The following ACOXL variants were observed in gnomAD, a reference collection of about 807,000 sequenced individuals.
ACOXL encodes the protein acyl-CoA oxidase like.
In ACOXL, 70 loss-of-function variants were observed where a neutral mutation model predicts 71.9. The observed-to-expected ratio is 0.97, with a 90% CI of 0.80 to 1.19. The LOEUF is 1.19. Among genes scored for constraint, ACOXL ranks in the 50% most tolerant of loss-of-function variants. The pLI is 0.00. For synonymous variants in ACOXL, 253 were observed against 281.6 expected (o/e 0.90, Z 1.02); for missense variants, 703 against 736.3 (o/e 0.95, Z 0.52).
At chr2:110,953,949 G>A (rs779489747) in intron 12 of ACOXL, among the ~76,000 whole-genome samples, 12 of 152,192 alleles carry the variant, frequency 7.9e-5, no homozygotes, top group African/African-American at 1.2e-4. Context: ...CCACCAGACC[G>A]CTGCTCCAGT....
At chr2:110,742,074 C>T (rs996280157) in intron 1 of ACOXL, among the ~76,000 whole-genome samples, 4 of 152,212 alleles carry the variant, frequency 2.6e-5, no homozygotes, top group Admixed American at 6.5e-5. Context: ...GGAAACAGCA[C>T]GGTGAGGAGA....
chr2:110,764,911 T>C (rs73956435), intron 1 of ACOXL, among the ~76,000 whole-genome samples: 4,203 of 152,340 alleles, frequency 0.028, 194 homozygotes, highest in African/African-American at 0.094. Context: ...CTTTTTCTCC[T>C]ATCATTTCCT....
At chr2:110,868,263 A>AT in intron 10 of ACOXL, among the ~76,000 whole-genome samples, 1 of 152,266 alleles carries the variant, frequency 6.6e-6, no homozygotes, top group East Asian at 1.9e-4. Flanking sequence ...TACAAGTTTG[A>AT]TTTTTTGGGG....
At chr2:110,869,156 A>ACG (rs1694964414) in intron 10 of ACOXL, among the ~76,000 whole-genome samples, 1 of 152,146 alleles carries the variant, frequency 6.6e-6, no homozygotes, top group African/African-American at 2.4e-5. Flanking sequence ...CACATGGCCG[A>ACG]TGTCACACAG....
intron 10 of ACOXL, among the ~76,000 whole-genome samples, chr2:110,908,204 T>G (rs17545286): frequency 0.3 from 45,684 of 152,156 alleles, 7,408 homozygotes; most frequent in Middle Eastern, 0.37. Flanking sequence ...GGAAAGCCTT[T>G]GTTCACCTGA....
chr2:110,809,639 A>G (rs1186969682), intron 9 of ACOXL, among the ~76,000 whole-genome samples: 1 of 152,192 alleles, frequency 6.6e-6, no homozygotes, highest in Non-Finnish European at 1.5e-5. Context: ...GGGTCTCAGC[A>G]AGGCATGGGA....
At position 110,813,043 on chromosome 2, in the gene ACOXL, G is replaced by A. The variant is rs576570140; in HGVS notation, c.753+7648G>A. Reference sequence around the variant, plus strand: ...CCTTTATAGAAGCTTTTCCAAATGAGGCCTCTAGGTCTCTGGCACAAAGAC... The same window carrying A: ...CCTTTATAGAAGCTTTTCCAAATGAAGCCTCTAGGTCTCTGGCACAAAGAC... On this transcript the variant is annotated intron_variant, in intron 9 of 17. Coordinates refer to ENST00000439055, the MANE Select transcript of ACOXL (RefSeq NM_001142807.4). 1.2e-3 allele frequency among the ~76,000 whole-genome samples: 176 copies of A among 152,284 alleles called. 2 individuals carry two copies. The highest frequency in any genetic ancestry group is 4.0e-3 in the African/African-American group (167 of 41,554).
chr2:111,008,320 C>G (rs140344947), intron 14 of ACOXL, among the ~76,000 whole-genome samples: 1 of 152,264 alleles, frequency 6.6e-6, no homozygotes, highest in African/African-American at 2.4e-5. Context: ...ACTCAGAGAG[C>G]TACCACTCTT....
intron 12 of ACOXL, among the ~76,000 whole-genome samples, chr2:110,980,143 C>T (rs889747350): frequency 1.3e-5 from 2 of 152,226 alleles, no homozygotes; most frequent in African/African-American, 4.8e-5. Context: ...CTTAGCCCCT[C>T]TGAGAGTTAC....
intron 7 of ACOXL, 119 bp downstream of exon 7, chr2:110,799,219 A>G (rs1573569601): frequency 2.2e-6 from 2 of 926,676 alleles, no homozygotes; most frequent in East Asian, 2.5e-5. Context: ...AAACTTCCCC[A>G]GAGAAGATGT....
At chr2:111,109,926 G>A (rs914750837) in intron 17 of ACOXL, among the ~76,000 whole-genome samples, 3 of 151,884 alleles carry the variant, frequency 2.0e-5, no homozygotes, top group Admixed American at 6.6e-5. Context: ...CAATCCACCC[G>A]CCTCAGCTTC....
Position 110,801,739 on chromosome 2 carries a change from C to T in ACOXL, c.620+15C>T, listed in dbSNP as rs754057550. On this transcript the variant is annotated intron_variant, in intron 8 of 17. Transcript: ENST00000439055. ...CTGCTGGATAAGTGAGTAGTTTCTCCTTAACTCAGGTCAATGGTGCAGATG... is the reference window on the plus strand; with the variant it reads ...CTGCTGGATAAGTGAGTAGTTTCTCTTTAACTCAGGTCAATGGTGCAGATG... 6.2e-7 allele frequency: 1 copy of T among 1,611,606 alleles called. No homozygotes were observed. The highest frequency in any genetic ancestry group is 1.7e-5 in the Admixed American group (1 of 60,018).
chr2:110,866,755 A>G (rs1694635140), intron 10 of ACOXL, among the ~76,000 whole-genome samples: 1 of 151,746 alleles, frequency 6.6e-6, no homozygotes, highest in Non-Finnish European at 1.5e-5. Flanking sequence ...TCACGAAATC[A>G]CTCACCAGCT....
intron 16 of ACOXL, among the ~76,000 whole-genome samples, chr2:111,059,386 C>A (rs891344218): frequency 6.6e-6 from 1 of 152,190 alleles, no homozygotes; most frequent in Non-Finnish European, 1.5e-5. Flanking sequence ...GTACACAAAA[C>A]ATAACATTCA....
In ACOXL at chr2:110,938,839, C is replaced by CTT. The variant is rs34333677; in HGVS notation, c.1059+5208_1059+5209dup. Among the ~76,000 whole-genome samples the CTT allele has an allele frequency of 9.4e-5, 14 of 148,204 alleles. No homozygotes were observed. The East Asian group carries it at 2.5e-3, about 27-fold the overall frequency. On this transcript the variant is annotated intron_variant, in intron 12 of 17. Coordinates refer to ENST00000439055, the MANE Select transcript of ACOXL (RefSeq NM_001142807.4). ...CTTTATTATTTTTTTACCCTGAACA[C>CTT]TTTTTTTTTTTTAAAAAAACATGAT...
At chr2:110,901,685 C>T (rs7566041) in intron 10 of ACOXL, among the ~76,000 whole-genome samples, 1,999 of 151,646 alleles carry the variant, frequency 0.013, 49 homozygotes, top group African/African-American at 0.047. Flanking sequence ...TATACACTCA[C>T]TTACACACAC....
chr2:110,894,670 T>C (rs2058933541), intron 10 of ACOXL, among the ~76,000 whole-genome samples: 1 of 152,186 alleles, frequency 6.6e-6, no homozygotes, highest in Non-Finnish European at 1.5e-5. Flanking sequence ...CCTGGACACC[T>C]ACCTCAACCT....
chr2:110,928,424 C>T (rs2060358882), intron 11 of ACOXL, among the ~76,000 whole-genome samples: 1 of 152,156 alleles, frequency 6.6e-6, no homozygotes, highest in South Asian at 2.1e-4. Flanking sequence ...CCACAGTTTA[C>T]AGAAATTCAC....
intron 10 of ACOXL, chr2:110,888,133 T>G (rs1697527199): frequency 6.6e-6 from 1 of 152,222 alleles, no homozygotes; most frequent in South Asian, 2.1e-4. Flanking sequence ...TTGCTTTCTT[T>G]TAGAGTAAAT....
Sources: allele counts gnomAD v4.1 joint callset (sites outside exome capture counted in the v4.1 genomes callset), GRCh38; gene constraint gnomAD v4.1.1; transcripts MANE v1.5; gene names NCBI Gene and HGNC (gene_info 2026-07-23, HGNC 2026-07-21).